Variants in CYP7B1 observed in about 807,000 individuals in gnomAD.
CYP7B1 encodes the protein cytochrome P450 7B1.
In CYP7B1, 29 loss-of-function variants were observed where a neutral mutation model predicts 42.7. That is an observed-to-expected ratio of 0.68 (90% CI 0.51 to 0.93). CYP7B1 has a LOEUF of 0.93. CYP7B1 is among the 40% of genes least tolerant of loss of function. CYP7B1 has a pLI of 0.00. For synonymous variants in CYP7B1, 235 were observed against 218.2 expected (o/e 1.08, Z -0.68); for missense variants, 655 against 600.5 (o/e 1.09, Z -0.95).
rs1337229440 is a variant in CYP7B1 at position 64,604,785 on chromosome 8, G to T, written c.1130C>A (p.Thr377Asn). 1.2e-6 allele frequency: 2 copies of T among 1,614,164 alleles called. No homozygotes were observed. The highest frequency in any genetic ancestry group is 1.7e-6 in the Non-Finnish European group (2 of 1,180,030). ...TTIRFVEEDL[T>N]LSSETGDYCV... ...GTAGTCCCCGGTCTCTGAACTGAGA[G>T]TCAAATCCTCCTCAACAAAACGAAT... The change falls in exon 5 of 6, where the codon ACT (threonine) becomes AAT (asparagine). Residue 377 changes from threonine to asparagine, a missense_variant. Physicochemically the swap from Thr to Asn is moderately conservative, Grantham distance 65. Transcript: ENST00000310193.
intron 5 of CYP7B1, 131 bp downstream of exon 5, chr8:64,604,551 G>C: frequency 1.1e-6 from 1 of 885,496 alleles, no homozygotes; most frequent in Admixed American, 2.0e-5. Flanking sequence ...TTATTAGGAG[G>C]AATAATAGAA....
chr8:64,671,424 C>T (rs888483887), intron 1 of CYP7B1, among the ~76,000 whole-genome samples: 16 of 152,200 alleles, frequency 1.1e-4, no homozygotes, highest in African/African-American at 3.1e-4. Context: ...ACTTCATTCA[C>T]AATTTTGCGT....
At chr8:64,696,636 T>G (rs1209711750) in intron 1 of CYP7B1, among the ~76,000 whole-genome samples, 1 of 152,216 alleles carries the variant, frequency 6.6e-6, no homozygotes, top group Non-Finnish European at 1.5e-5. Flanking sequence ...GCTAGCTTTG[T>G]CAGTCTTCAT....
chr8:64,782,372 AACAGGTC>A (rs1367190973), intron 1 of CYP7B1, among the ~76,000 whole-genome samples: 1 of 152,164 alleles, frequency 6.6e-6, no homozygotes, highest in Non-Finnish European at 1.5e-5. Flanking sequence ...AAAGAAGCCC[AACAGGTC>A]CTTTGCCCCT....
At chr8:64,687,381 C>A (rs372681794) in intron 1 of CYP7B1, among the ~76,000 whole-genome samples, 1 of 151,866 alleles carries the variant, frequency 6.6e-6, no homozygotes, top group Admixed American at 6.6e-5. Flanking sequence ...GGCAAATGCA[C>A]GGAGAAAGTA....
intron 1 of CYP7B1, among the ~76,000 whole-genome samples, chr8:64,707,701 T>C (rs1807021411): frequency 6.6e-6 from 1 of 152,064 alleles, no homozygotes; most frequent in Non-Finnish European, 1.5e-5. Flanking sequence ...GTTTTTTTTT[T>C]CACTTTTCTT....
At chr8:64,728,564 GTTA>G (rs1185637967) in intron 1 of CYP7B1, among the ~76,000 whole-genome samples, 12 of 152,182 alleles carry the variant, frequency 7.9e-5, no homozygotes, top group African/African-American at 2.9e-4. Context: ...CAAATTTTAA[GTTA>G]TTATAATTGT....
chr8:64,670,555 A>T lies in CYP7B1; in HGVS notation c.123-46016T>A, dbSNP rs186244665. Among the ~76,000 whole-genome samples, 244 of 152,270 alleles carry T rather than the reference A, an allele frequency of 1.6e-3. 2 individuals carry two copies. The highest frequency in any genetic ancestry group is 2.7e-3 in the Non-Finnish European group (183 of 68,002). On this transcript the variant is annotated intron_variant, in intron 1 of 5. Coordinates refer to ENST00000310193, the MANE Select transcript of CYP7B1 (RefSeq NM_004820.5). The stretch of plus-strand genomic sequence containing the variant: ...ACCTTCCCCACCCAATTAAGAGCTG[A>T]CCCACAAGATCCAAGAGGACCATAA...
intron 1 of CYP7B1, among the ~76,000 whole-genome samples, chr8:64,705,557 T>C (rs753394842): frequency 1.6e-4 from 24 of 150,002 alleles, no homozygotes; most frequent in Non-Finnish European, 2.5e-4. Context: ...CAAAGCACTC[T>C]CTTTATCATG....
chr8:64,631,582 T>C (rs978976194), intron 1 of CYP7B1, among the ~76,000 whole-genome samples: 22 of 151,858 alleles, frequency 1.4e-4, no homozygotes, highest in African/African-American at 5.1e-4. Context: ...CTAAATCAAA[T>C]GGAAAAACTT....
At chr8:64,616,454 G>A (rs1805451198) in intron 2 of CYP7B1, among the ~76,000 whole-genome samples, 173 bp from the exon 3 acceptor site, 1 of 152,166 alleles carries the variant, frequency 6.6e-6, no homozygotes, top group Admixed American at 6.6e-5. Context: ...TCCTTTGAAA[G>A]ATGGTGGAAA....
chr8:64,762,638 G>A (rs1477270401), intron 1 of CYP7B1, among the ~76,000 whole-genome samples: 1 of 152,124 alleles, frequency 6.6e-6, no homozygotes, highest in Non-Finnish European at 1.5e-5. Flanking sequence ...ACAGTATTAT[G>A]GGCATATATT....
At chr8:64,735,993 T>C (rs1807481708) in intron 1 of CYP7B1, among the ~76,000 whole-genome samples, 1 of 152,212 alleles carries the variant, frequency 6.6e-6, no homozygotes, top group Admixed American at 6.5e-5. Flanking sequence ...TTTTCACCCA[T>C]GCCCTAAGTA....
chr8:64,729,321 C>T (rs1390190587), intron 1 of CYP7B1, among the ~76,000 whole-genome samples: 1 of 152,178 alleles, frequency 6.6e-6, no homozygotes, highest in Non-Finnish European at 1.5e-5. Flanking sequence ...CAAACATATT[C>T]ACACATGCAC....
At chr8:64,709,505 T>C (rs1057176042) in intron 1 of CYP7B1, among the ~76,000 whole-genome samples, 1 of 152,236 alleles carries the variant, frequency 6.6e-6, no homozygotes, top group Non-Finnish European at 1.5e-5. Context: ...TAAGAACATA[T>C]GTAAATGTAT....
intron 4 of CYP7B1, 47 bp from the exon 5 acceptor site, chr8:64,604,904 T>C (rs547129649): frequency 5.0e-6 from 8 of 1,585,232 alleles, no homozygotes; most frequent in Non-Finnish European, 6.9e-6. Context: ...GGGCTGGTCC[T>C]GAAAACTGCT....
chr8:64,639,389 G>A lies in CYP7B1; in HGVS notation c.123-14850C>T, dbSNP rs182822068. Among the ~76,000 whole-genome samples, 264 of 152,068 alleles carry A rather than the reference G, an allele frequency of 1.7e-3. 2 individuals carry two copies. The highest frequency in any genetic ancestry group is 4.7e-4 in the Non-Finnish European group (32 of 67,966). On this transcript the variant is annotated intron_variant, in intron 1 of 5. Coordinates refer to ENST00000310193, the MANE Select transcript of CYP7B1 (RefSeq NM_004820.5). ...CAGGGAAAGTCCCCTAAAACTTAGG[G>A]GTGAACATATAGAGAAGCCTTATAA...
intron 1 of CYP7B1, among the ~76,000 whole-genome samples, chr8:64,701,479 T>G (rs1379992829): frequency 6.6e-6 from 1 of 152,122 alleles, no homozygotes; most frequent in East Asian, 1.9e-4. Flanking sequence ...AGTAAACTTT[T>G]GCACTGACAG....
intron 1 of CYP7B1, among the ~76,000 whole-genome samples, chr8:64,779,189 GA>G (rs1428619023): frequency 6.6e-6 from 1 of 151,936 alleles, no homozygotes; most frequent in Non-Finnish European, 1.5e-5. Flanking sequence ...TACAAAAAAG[GA>G]AAAAACTTAA....
Sources: gnomAD v4.1 joint callset for allele counts (sites outside exome capture counted in the v4.1 genomes callset) on GRCh38, gnomAD v4.1.1 for gene constraint, MANE v1.5 for transcripts, NCBI Gene and HGNC (gene_info 2026-07-23, HGNC 2026-07-21) for gene names.